Variants in SEMA3A observed in about 807,000 individuals in gnomAD.
The protein encoded by SEMA3A is semaphorin-3A.
Under a neutral mutation model 97.9 loss-of-function variants are expected in SEMA3A, and 29 were observed. The ratio of observed to expected loss-of-function variants is 0.30; its 90% CI spans 0.22 to 0.40. The LOEUF is 0.40. SEMA3A is among the 10% of genes least tolerant of loss of function. The pLI is 1.00. For synonymous variants in SEMA3A, 321 were observed against 323.7 expected (o/e 0.99, Z 0.09); for missense variants, 763 against 951.3 (o/e 0.80, Z 2.60).
At chr7:84,060,317 A>G in intron 5 of SEMA3A, 148 bp downstream of exon 5, 1 of 570,780 alleles carries the variant, frequency 1.8e-6, no homozygotes, top group Non-Finnish European at 3.1e-6. Context: ...TTTCTTCTTC[A>G]TTTTCAAACA....
intron 2 of SEMA3A, among the ~76,000 whole-genome samples, chr7:84,326,570 T>G (rs1319669214): frequency 6.6e-6 from 1 of 152,074 alleles, no homozygotes; most frequent in Non-Finnish European, 1.5e-5. Flanking sequence ...TGTATATTCA[T>G]TTGATGATTA....
chr7:84,247,000 T>A (rs906421599), intron 3 of SEMA3A, among the ~76,000 whole-genome samples: 1 of 152,102 alleles, frequency 6.6e-6, no homozygotes, highest in Non-Finnish European at 1.5e-5. Flanking sequence ...TTAAGTGTCA[T>A]TAATGCCATC....
intron 2 of SEMA3A, among the ~76,000 whole-genome samples, chr7:84,312,907 TATATATATATATATACACAC>T (rs1260359721): frequency 1.9e-5 from 1 of 51,406 alleles, no homozygotes. Context: ...TATATATATA[TATATATATATATATACACAC>T]ACACACACAC....
At chr7:84,359,755 A>C (rs186877171) in intron 2 of SEMA3A, among the ~76,000 whole-genome samples, 326 of 152,244 alleles carry the variant, frequency 2.1e-3, no homozygotes, top group African/African-American at 7.4e-3. Context: ...TCATCTGTGA[A>C]TCCATCTGGT....
At chr7:84,095,988 A>T (rs1562778675) in intron 4 of SEMA3A, among the ~76,000 whole-genome samples, 1 of 152,106 alleles carries the variant, frequency 6.6e-6, no homozygotes, top group Non-Finnish European at 1.5e-5. Flanking sequence ...GTTTATAATC[A>T]GACAATTTAT....
chr7:84,477,837 G>A (rs956295786), intron 1 of SEMA3A, among the ~76,000 whole-genome samples: 3 of 152,122 alleles, frequency 2.0e-5, no homozygotes, highest in Non-Finnish European at 2.9e-5. Context: ...TGCAATTTCC[G>A]TGAAAGTTAT....
At chr7:84,003,674 A>G (rs1196204904) in intron 11 of SEMA3A, among the ~76,000 whole-genome samples, 1 of 152,150 alleles carries the variant, frequency 6.6e-6, no homozygotes, top group East Asian at 1.9e-4. Context: ...AGACTTCTCA[A>G]TACATTTAAG....
chr7:84,291,525 G>A (rs191415724), intron 3 of SEMA3A, among the ~76,000 whole-genome samples: 33 of 151,904 alleles, frequency 2.2e-4, no homozygotes, highest in African/African-American at 7.0e-4. Context: ...TAAAAATTAC[G>A]TAATGCTGTC....
chr7:84,350,129 A>T (rs910259764), intron 2 of SEMA3A, among the ~76,000 whole-genome samples: 2 of 152,184 alleles, frequency 1.3e-5, no homozygotes, highest in African/African-American at 4.8e-5. Context: ...TTTATGTTCC[A>T]CATCAATATA....
At chr7:84,473,749 G>C (rs966876023) in intron 1 of SEMA3A, among the ~76,000 whole-genome samples, 5 of 152,072 alleles carry the variant, frequency 3.3e-5, no homozygotes, top group Admixed American at 1.3e-4. Flanking sequence ...AGACTGCACA[G>C]AAACTAACAA....
intron 1 of SEMA3A, among the ~76,000 whole-genome samples, chr7:84,400,354 A>C (rs963274929): frequency 1.3e-5 from 2 of 152,172 alleles, no homozygotes; most frequent in Non-Finnish European, 2.9e-5. Flanking sequence ...GAGAATATAA[A>C]ATAGCTGTTT....
intron 3 of SEMA3A, among the ~76,000 whole-genome samples, chr7:84,251,066 A>G (rs567254805): frequency 2.0e-5 from 3 of 152,308 alleles, no homozygotes; most frequent in African/African-American, 7.2e-5. Flanking sequence ...TTAAAATTTC[A>G]AAGTATAAAT....
chr7:84,081,647 G>A (rs1206834666), intron 4 of SEMA3A, among the ~76,000 whole-genome samples: 6 of 147,806 alleles, frequency 4.1e-5, no homozygotes, highest in South Asian at 2.2e-4. Flanking sequence ...TATCAATGTC[G>A]ATGAGTAATA....
At chr7:84,469,500 C>A (rs1035604293) in intron 1 of SEMA3A, among the ~76,000 whole-genome samples, 1 of 152,122 alleles carries the variant, frequency 6.6e-6, no homozygotes, top group Admixed American at 6.5e-5. Context: ...GAAAGCTTTG[C>A]ATCTGATACA....
At chr7:84,407,739 A>G (rs890320352) in intron 1 of SEMA3A, among the ~76,000 whole-genome samples, 11 of 152,190 alleles carry the variant, frequency 7.2e-5, no homozygotes, top group Non-Finnish European at 1.6e-4. Flanking sequence ...AAATAATGCC[A>G]CATATCTACA....
chr7:84,102,300 G>C (rs1350109046), intron 4 of SEMA3A, among the ~76,000 whole-genome samples: 1 of 152,076 alleles, frequency 6.6e-6, no homozygotes, highest in African/African-American at 2.4e-5. Flanking sequence ...AGAGTTTCTT[G>C]ACTTATTTTT....
At chr7:84,212,305 A>G (rs1584130746) in intron 3 of SEMA3A, among the ~76,000 whole-genome samples, 1 of 152,228 alleles carries the variant, frequency 6.6e-6, no homozygotes, top group African/African-American at 2.4e-5. Flanking sequence ...TATTTACTCT[A>G]AAAACAAAAA....
chr7:84,335,310 T>C (rs567397886), intron 2 of SEMA3A, among the ~76,000 whole-genome samples: 1 of 152,256 alleles, frequency 6.6e-6, no homozygotes, highest in Admixed American at 6.5e-5. Flanking sequence ...GTTTTACAAA[T>C]TTTGCACCTT....
chr7:84,159,026 TA>T (rs767860631), intron 1 of SEMA3A, among the ~76,000 whole-genome samples: 32 of 144,694 alleles, frequency 2.2e-4, no homozygotes, highest in Admixed American at 3.5e-4. Flanking sequence ...CAATTAAAAA[TA>T]AAAAAAAAAA....
Sources: allele counts gnomAD v4.1 joint callset (sites outside exome capture counted in the v4.1 genomes callset), GRCh38; gene constraint gnomAD v4.1.1; transcripts MANE v1.5; gene names NCBI Gene and HGNC (gene_info 2026-07-23, HGNC 2026-07-21).